Variants in PTGDS observed in about 807,000 individuals in gnomAD.
The protein encoded by PTGDS is prostaglandin-H2 D-isomerase.
In PTGDS, 21 loss-of-function variants were observed where a neutral mutation model predicts 28.4. The ratio of observed to expected loss-of-function variants is 0.74; its 90% confidence interval spans 0.52 to 1.07. The LOEUF (loss-of-function observed/expected upper bound fraction) is 1.07, where lower values mean the gene tolerates loss of function less well. Among genes scored for constraint, PTGDS ranks in the 50% least tolerant of loss-of-function variants. The pLI is 0.00. For missense variants in PTGDS, 243 were observed against 247.7 expected, an observed-to-expected ratio of 0.98 and a Z score of 0.13; for synonymous variants, 102 against 106.0, an observed-to-expected ratio of 0.96 and a Z score of 0.23.
At chr9:136,980,396 C>A in intron 5 of PTGDS, 112 bp downstream of exon 5, 1 of 1,208,628 alleles carries the variant, frequency 8.3e-7, no homozygotes, top group Non-Finnish European at 1.2e-6. Flanking sequence ...CTGCTCGAGG[C>A]CTGGGCCAGG....
chr9:136,979,429 G>T, intron 3 of PTGDS, 130 bp downstream of exon 3: 1 of 1,556,808 alleles, frequency 6.4e-7, no homozygotes, highest in African/African-American at 1.4e-5. Flanking sequence ...AGCGTCAGAG[G>T]CAAAGGCCAG....
intron 6 of PTGDS, 75 bp downstream of exon 6, chr9:136,980,930 C>T (rs564653818): frequency 3.2e-5 from 48 of 1,506,730 alleles, no homozygotes; most frequent in Non-Finnish European, 4.1e-5. Context: ...ACCCACTCTG[C>T]GATGGGATGG....
intron 4 of PTGDS, 21 bp downstream of exon 4, chr9:136,980,083 G>A (rs769774030): frequency 3.5e-5 from 57 of 1,607,098 alleles, no homozygotes; most frequent in East Asian, 2.2e-4. Flanking sequence ...CGTGGACGCC[G>A]CCCACACGCA....
In PTGDS at chr9:136,978,211, G is replaced by T. The variant is rs1830395284; in HGVS notation, c.114+519G>T. Among the ~76,000 whole-genome samples the T allele has an allele frequency of 2.0e-5, 3 of 152,166 alleles. No homozygotes were observed. In the South Asian group the frequency reaches 6.2e-4, roughly 31 times the overall value. ...CCCTGGCGTCGAGGAGAACCCCAGC[G>T]GTCCGCAGAGCTGAGCCGAAGACCC... On this transcript the variant is annotated intron_variant, in intron 1 of 6. Transcript: ENST00000371625.
chr9:136,979,681 T>G, intron 3 of PTGDS: 1 of 604,772 alleles, frequency 1.7e-6, no homozygotes. Context: ...ACCTCTTCAC[T>G]TCCGGTTCTG....
Position 136,978,994 on chromosome 9 carries a change from TC to T in PTGDS, c.118del (p.Leu40TrpfsTer40), listed in dbSNP as rs767676207. 6 of 1,607,712 alleles carry T rather than the reference TC, an allele frequency of 3.7e-6. No homozygotes were observed. The East Asian group carries it at 1.3e-4, about 36-fold the overall frequency. On this transcript the variant is annotated frameshift_variant and splice_region_variant, in exon 2 of 7. Transcript: ENST00000371625. LOFTEE classifies it high-confidence loss of function. The part of the protein sequence containing the change: ...SVQPNFQQDK[F>X]LGRWFSAGLA... ...GCGGGTGGGGGTCGCTCGCCGCAGTTCCTGGGGCGCTGGTTCAGCGCGGGCC... is the reference window on the plus strand; with the variant it reads ...GCGGGTGGGGGTCGCTCGCCGCAGTTCTGGGGCGCTGGTTCAGCGCGGGCC...
In PTGDS at chr9:136,977,535, C is replaced by T. The variant is rs887349444; in HGVS notation, c.-44C>T. On this transcript the variant is annotated 5_prime_UTR_variant, in exon 1 of 7. Transcript: ENST00000371625. ...CCTGCACACCTCCCTCGCTCTCCCA[C>T]ACCACTGGCACCAGGCCCCGGACAC... 6 of 1,442,352 alleles carry T rather than the reference C, an allele frequency of 4.2e-6. No individual in the cohort carries two copies. The African/African-American group carries it at 7.1e-5, about 17-fold the overall frequency. 89.3% of individuals were successfully genotyped at this position (1,442,352 alleles called of 1,614,324 possible).
intron 5 of PTGDS, 58 bp downstream of exon 5, chr9:136,980,342 A>G (rs1301836832): frequency 2.6e-6 from 4 of 1,565,482 alleles, no homozygotes; most frequent in African/African-American, 1.4e-5. Flanking sequence ...GCAGGCAGGC[A>G]GTCTCCTGAC....
chr9:136,978,973 G>C lies in PTGDS; in HGVS notation c.115-20G>C. Reference sequence around the variant, plus strand: ...GTCCGGAGGGTCCTGGCCGACGCGGGTGGGGGTCGCTCGCCGCAGTTCCTG... The same window carrying C: ...GTCCGGAGGGTCCTGGCCGACGCGGCTGGGGGTCGCTCGCCGCAGTTCCTG... On this transcript the variant is annotated intron_variant, in intron 1 of 6. Transcript: ENST00000371625. 2 of 1,602,886 alleles carry C rather than the reference G, an allele frequency of 1.2e-6. No individual in the cohort carries two copies. Among genetic ancestry groups the C allele is most frequent in the Non-Finnish European group, 1.7e-6 (2 of 1,178,376 alleles).
At chr9:136,977,836 A>G in intron 1 of PTGDS, 144 bp downstream of exon 1, 3 of 728,076 alleles carry the variant, frequency 4.1e-6, no homozygotes, top group African/African-American at 1.9e-5. Flanking sequence ...GCGGGCGCGC[A>G]GGAAGGAGGC....
At chr9:136,980,125 G>T in intron 4 of PTGDS, 58 bp from the exon 5 acceptor site, 1 of 1,608,580 alleles carries the variant, frequency 6.2e-7, no homozygotes. Flanking sequence ...CCAAGACCCA[G>T]GGCAGGGCAC....
intron 4 of PTGDS, 26 bp downstream of exon 4, chr9:136,980,088 C>T: frequency 6.2e-7 from 1 of 1,607,358 alleles, no homozygotes. Flanking sequence ...ACGCCGCCCA[C>T]ACGCAGGCCT....
intron 2 of PTGDS, 43 bp from the exon 3 acceptor site, chr9:136,979,180 A>T: frequency 6.2e-7 from 1 of 1,612,980 alleles, no homozygotes; most frequent in Non-Finnish European, 8.5e-7. Flanking sequence ...GTCCAGGGAC[A>T]CCCTCGGGCC....
At chr9:136,980,568 G>T in intron 5 of PTGDS, 1 of 1,240,720 alleles carries the variant, frequency 8.1e-7, no homozygotes, top group Admixed American at 2.5e-5. Context: ...AGGGTAGAGG[G>T]TGCCCATGGG....
In PTGDS at chr9:136,979,274, C is replaced by T. The variant is rs1830420384; in HGVS notation, c.306C>T (p.Leu102=). The T allele has an allele frequency of 1.9e-6, 3 of 1,611,760 alleles. No individual in the cohort carries two copies. The highest frequency in any genetic ancestry group is 2.5e-6 in the Non-Finnish European group (3 of 1,179,402). ...TGCTGCTGCAGCCCGCGGGGTCCCT[C>T]GGCTCCTACAGCTACCGGAGTCCCC... ...RTMLLQPAGS[L]GSYSYRSPHW... is the part of the protein sequence containing the mutation. Residue 102 remains leucine, a synonymous_variant, in exon 3 of 7, where the codon CTC becomes CTT. Transcript: ENST00000371625.
At chr9:136,981,298 C>T (rs924501929) in intron 6 of PTGDS, among the ~76,000 whole-genome samples, 3 of 152,080 alleles carry the variant, frequency 2.0e-5, no homozygotes, top group Non-Finnish European at 4.4e-5. Flanking sequence ...TGGGACAGCT[C>T]GGAGAGCAGG....
Position 136,980,110 on chromosome 9 carries a change from G to C in PTGDS, c.448+48G>C, listed in dbSNP as rs1292189242. 3 of 1,605,994 alleles carry C rather than the reference G, an allele frequency of 1.9e-6. No homozygotes were observed. The South Asian group carries it at 3.3e-5, about 18-fold the overall frequency. On this transcript the variant is annotated intron_variant, in intron 4 of 6. Coordinates refer to ENST00000371625, the MANE Select transcript of PTGDS (RefSeq NM_000954.6). ...CCACACGCAGGCCTGACCAGAGGGG[G>C]CTCCCCAAGACCCAGGGCAGGGCAC...
At chr9:136,979,624 C>T in intron 3 of PTGDS, 1 of 684,940 alleles carries the variant, frequency 1.5e-6, no homozygotes, top group Admixed American at 3.0e-5. Flanking sequence ...CTCCCCAGGA[C>T]CCAGGGGTTT....
intron 3 of PTGDS, chr9:136,979,529 T>C (rs1830423519): frequency 7.4e-7 from 1 of 1,349,690 alleles, no homozygotes; most frequent in Non-Finnish European, 1.0e-6. Flanking sequence ...CACCATTGTC[T>C]TGTCAGGCCC....
Sources: gnomAD v4.1 joint callset for allele counts (sites outside exome capture counted in the v4.1 genomes callset) on GRCh38, gnomAD v4.1.1 for gene constraint, MANE v1.5 for transcripts, NCBI Gene and HGNC (gene_info 2026-07-23, HGNC 2026-07-21) for gene names.